The following CFAP57 variants were observed in gnomAD, a reference collection of about 807,000 sequenced individuals.
CFAP57 encodes cilia- and flagella-associated protein 57.
Under a neutral mutation model 146.8 loss-of-function variants are expected in CFAP57, and 116 were observed. The ratio of observed to expected loss-of-function variants is 0.79; its 90% CI spans 0.68 to 0.92. The LOEUF (loss-of-function observed/expected upper bound fraction) is 0.92, where lower values mean the gene tolerates loss of function less well. Among genes scored for constraint, CFAP57 ranks in the 40% least tolerant of loss-of-function variants. The pLI is 0.00. For missense variants in CFAP57, 1,377 were observed against 1,527.2 expected, an observed-to-expected ratio of 0.90 and a Z score of 1.64; for synonymous variants, 518 against 552.8, an observed-to-expected ratio of 0.94 and a Z score of 0.88.
intron 22 of CFAP57, 100 bp downstream of exon 22, chr1:43,243,459 A>G (rs1646001715): frequency 6.9e-6 from 9 of 1,301,290 alleles, no homozygotes; most frequent in African/African-American, 4.5e-5. Flanking sequence ...ATCAGGTCCC[A>G]TCTACACATG....
intron 18 of CFAP57, among the ~76,000 whole-genome samples, chr1:43,228,977 G>A (rs1645363485): frequency 1.3e-5 from 2 of 148,940 alleles, no homozygotes; most frequent in African/African-American, 2.5e-5. Flanking sequence ...CTCTGCCCTC[G>A]TGACCTGATC....
rs542181501 is a variant in CFAP57 at position 43,204,924 on chromosome 1, T to A, written c.1543-1796T>A. Reference sequence around the variant, plus strand: ...TTTTTAAGCCTGGCTTCCTAGGAGATGCCCCTGGGTCGGGAGAGCTTAATG... The same window carrying A: ...TTTTTAAGCCTGGCTTCCTAGGAGAAGCCCCTGGGTCGGGAGAGCTTAATG... On this transcript the variant is annotated intron_variant, in intron 9 of 22. Transcript: ENST00000372492. Among the ~76,000 whole-genome samples the A allele has an allele frequency of 9.8e-5, 15 of 152,326 alleles. No individual in the cohort carries two copies. In the East Asian group the frequency reaches 2.9e-3, roughly 29 times the overall value.
intron 21 of CFAP57, among the ~76,000 whole-genome samples, chr1:43,236,912 CCAA>C (rs1645726388): frequency 8.2e-6 from 1 of 122,590 alleles, no homozygotes. Flanking sequence ...CCATCCCCCC[CCAA>C]AAAAAAAAGG....
intron 11 of CFAP57, among the ~76,000 whole-genome samples, chr1:43,211,239 A>C (rs947986367): frequency 6.6e-6 from 1 of 152,266 alleles, no homozygotes; most frequent in Non-Finnish European, 1.5e-5. Context: ...TGGATAACAT[A>C]TTTATTTTTC....
rs1295723851 is a variant in CFAP57, at chr1:43,185,209, C to T, written c.822C>T (p.Ala274=). ...CTTCCTATGAACAGATGGTGGCGGC[C>T]AGTAGCCATAGCCAGATGTCCATGC... ...PLPSYEQMVA[A]SSHSQMSMPQ... The change falls in exon 5 of 23, where the codon GCC becomes GCT. Residue 274 remains alanine (A), a synonymous_variant. Transcript: ENST00000372492. 2.5e-6 allele frequency: 4 copies of T among 1,614,158 alleles called. No homozygotes were observed. The highest frequency in any genetic ancestry group is 3.4e-6 in the Non-Finnish European group (4 of 1,180,040).
chr1:43,196,398 C>T (rs761358690), intron 6 of CFAP57: 18 of 153,386 alleles, frequency 1.2e-4, no homozygotes, highest in Non-Finnish European at 2.2e-4. Flanking sequence ...CATAGCATCT[C>T]TTTCTCTGAG....
intron 18 of CFAP57, among the ~76,000 whole-genome samples, chr1:43,227,920 C>T (rs1645316410): frequency 6.6e-6 from 1 of 152,228 alleles, no homozygotes; most frequent in South Asian, 2.1e-4. Context: ...CTTCACTTCT[C>T]TTAACTCCTT....
At position 43,185,229 on chromosome 1, in the gene CFAP57, C is replaced by T; in HGVS notation, c.842C>T (p.Ser281Phe). The change falls in exon 5 of 23, where the codon TCC (serine) becomes TTC (phenylalanine). Residue 281 changes from serine (S) to phenylalanine (F), a missense_variant. Coordinates refer to ENST00000372492, the MANE Select transcript of CFAP57 (RefSeq NM_001378189.1). ...GCGGCCAGTAGCCATAGCCAGATGTCCATGCCCCAGGTGTTTGCCATTGCA... is the reference window on the plus strand; with the variant it reads ...GCGGCCAGTAGCCATAGCCAGATGTTCATGCCCCAGGTGTTTGCCATTGCA... ...MVAASSHSQM[S>F]MPQVFAIAAY... 2 of 1,614,214 alleles carry T rather than the reference C, an allele frequency of 1.2e-6. No individual in the cohort carries two copies. The highest frequency in any genetic ancestry group is 1.7e-6 in the Non-Finnish European group (2 of 1,180,044).
At chr1:43,228,312 C>T (rs570392713) in intron 18 of CFAP57, among the ~76,000 whole-genome samples, 33 of 152,264 alleles carry the variant, frequency 2.2e-4, no homozygotes, top group Non-Finnish European at 4.6e-4. Flanking sequence ...GGCTCTTCCC[C>T]CAGATCGCCA....
In CFAP57 at chr1:43,199,403, A is replaced by G. The variant is rs373871095; in HGVS notation, c.1442A>G (p.Asn481Ser). 6.2e-7 allele frequency: 1 copy of G among 1,613,934 alleles called. No homozygotes were observed. The highest frequency in any genetic ancestry group is 1.3e-5 in the African/African-American group (1 of 74,866). Residue 481 changes from asparagine (N) to serine (S), a missense_variant, in exon 9 of 23, where the codon AAT (asparagine) becomes AGT (serine). Transcript: ENST00000372492. ...VRGCGECSFS[N>S]GGHLFAAVNG... ...CTTTCCCTATAGTGTTCCTTTAGCA[A>G]TGGAGGTCACCTGTTTGCTGCAGTC...
chr1:43,247,711 T>C (rs1646162874), intron 22 of CFAP57, among the ~76,000 whole-genome samples: 1 of 152,248 alleles, frequency 6.6e-6, no homozygotes, highest in Non-Finnish European at 1.5e-5. Context: ...CTTTCTAATT[T>C]CTCTGTATGT....
chr1:43,176,762 G>T (rs1350042174), intron 2 of CFAP57, among the ~76,000 whole-genome samples: 3 of 152,186 alleles, frequency 2.0e-5, no homozygotes, highest in Non-Finnish European at 4.4e-5. Flanking sequence ...TGAAGCCGTT[G>T]GGGGAGTAAG....
chr1:43,245,346 T>C (rs1282577242), intron 22 of CFAP57, among the ~76,000 whole-genome samples: 2 of 152,036 alleles, frequency 1.3e-5, no homozygotes, highest in Non-Finnish European at 2.9e-5. Context: ...AAAAAAGTTT[T>C]AAATATGTCC....
chr1:43,209,591 C>T, intron 10 of CFAP57, 152 bp from the exon 11 acceptor site: 1 of 719,996 alleles, frequency 1.4e-6, no homozygotes, highest in Non-Finnish European at 2.4e-6. Context: ...TTGTGCTAGG[C>T]ACTATACCGG....
chr1:43,217,920 G>T (rs763488479), intron 12 of CFAP57, among the ~76,000 whole-genome samples: 4 of 152,180 alleles, frequency 2.6e-5, no homozygotes, highest in Non-Finnish European at 5.9e-5. Flanking sequence ...AGTCTTGGCT[G>T]CCCCTTCCTA....
intron 21 of CFAP57, among the ~76,000 whole-genome samples, chr1:43,239,768 T>G (rs906445866): frequency 2.0e-5 from 3 of 152,128 alleles, no homozygotes; most frequent in African/African-American, 7.2e-5. Context: ...AAGGGAGAAA[T>G]GGAGAGAGAC....
chr1:43,248,138 CAAAAAAA>C (rs35277187), intron 22 of CFAP57, among the ~76,000 whole-genome samples: 1 of 54,804 alleles, frequency 1.8e-5, no homozygotes, highest in African/African-American at 7.5e-5. Context: ...GACTCTGTCT[CAAAAAAA>C]AAAAAAAAAA....
At chr1:43,224,319 T>A in intron 17 of CFAP57, 115 bp downstream of exon 17, 1 of 1,229,250 alleles carries the variant, frequency 8.1e-7, no homozygotes, top group Non-Finnish European at 1.1e-6. Flanking sequence ...TTTAACTTGA[T>A]GGGGGAACCA....
chr1:43,196,629 A>G (rs1643879635), intron 6 of CFAP57: 1 of 152,258 alleles, frequency 6.6e-6, no homozygotes. Context: ...TGTACATCTC[A>G]TTAAATTTCC....
Sources: allele counts gnomAD v4.1 joint callset (sites outside exome capture counted in the v4.1 genomes callset), GRCh38; gene constraint gnomAD v4.1.1; transcripts MANE v1.5; gene names NCBI Gene and HGNC (gene_info 2026-07-23, HGNC 2026-07-21).